Variants in ITGBL1 observed in about 807,000 individuals in gnomAD.
ITGBL1 encodes integrin subunit beta like 1.
A neutral mutation model predicts 68.5 loss-of-function variants in ITGBL1; 51 were observed. That is an observed-to-expected ratio of 0.74 (90% CI 0.59 to 0.94). The LOEUF (loss-of-function observed/expected upper bound fraction) is 0.94, where lower values mean the gene tolerates loss of function less well. Ranked by LOEUF, ITGBL1 falls within the 40% of genes least tolerant of loss-of-function variation. The probability of loss-of-function intolerance (pLI) is 0.00; values close to 1 mark genes in which losing one functional copy is unlikely to be tolerated. For synonymous variants in ITGBL1, 209 were observed against 227.3 expected, an observed-to-expected ratio of 0.92 and a Z score of 0.72; for missense variants, 649 against 647.4, an observed-to-expected ratio of 1.00 and a Z score of -0.03.
chr13:101,532,899 A>C (rs2049508377), intron 2 of ITGBL1, among the ~76,000 whole-genome samples: 2 of 152,320 alleles, frequency 1.3e-5, no homozygotes, highest in Middle Eastern at 6.8e-3. Context: ...TATTATTGGA[A>C]TAGAAAATAA....
At chr13:101,526,148 T>C (rs914634928) in intron 2 of ITGBL1, among the ~76,000 whole-genome samples, 3 of 63,898 alleles carry the variant, frequency 4.7e-5, no homozygotes, top group Admixed American at 1.5e-4. Flanking sequence ...TTCTTCTTCT[T>C]CTTCTTCTTT....
intron 7 of ITGBL1, among the ~76,000 whole-genome samples, chr13:101,683,265 C>T (rs901284037): frequency 3.3e-5 from 5 of 151,900 alleles, no homozygotes; most frequent in Non-Finnish European, 4.4e-5. Context: ...TAAAGTTTTC[C>T]GCCTAGATAT....
chr13:101,547,442 A>C (rs2049845690), intron 2 of ITGBL1, among the ~76,000 whole-genome samples: 1 of 151,906 alleles, frequency 6.6e-6, no homozygotes, highest in African/African-American at 2.4e-5. Flanking sequence ...TAGTAAGAAA[A>C]ATATTTTAAA....
chr13:101,609,672 G>T (rs969441546), intron 7 of ITGBL1, among the ~76,000 whole-genome samples: 1 of 152,084 alleles, frequency 6.6e-6, no homozygotes, highest in Non-Finnish European at 1.5e-5. Flanking sequence ...AGAGAGAAAA[G>T]AAGAATCCAG....
chr13:101,706,167 C>CA (rs540398669), intron 8 of ITGBL1, among the ~76,000 whole-genome samples: 30 of 151,576 alleles, frequency 2.0e-4, no homozygotes, highest in Non-Finnish European at 3.4e-4. Flanking sequence ...GGAACCAAAC[C>CA]AAAAAAAATG....
chr13:101,669,751 T>C (rs2033313150), intron 7 of ITGBL1, among the ~76,000 whole-genome samples: 1 of 152,212 alleles, frequency 6.6e-6, no homozygotes, highest in South Asian at 2.1e-4. Flanking sequence ...TTTTTCCCAA[T>C]TCCAGATTAA....
chr13:101,486,436 A>G (rs1238821409), intron 2 of ITGBL1, among the ~76,000 whole-genome samples: 2 of 152,154 alleles, frequency 1.3e-5, no homozygotes, highest in Non-Finnish European at 2.9e-5. Context: ...AGAAATCACC[A>G]CTAAAGAACT....
chr13:101,458,288 A>AT (rs1348137935), intron 2 of ITGBL1, among the ~76,000 whole-genome samples: 1 of 152,316 alleles, frequency 6.6e-6, no homozygotes. Flanking sequence ...GTACTGGGAG[A>AT]TTTTTTAATC....
At chr13:101,537,140 C>A (rs2049592390) in intron 2 of ITGBL1, among the ~76,000 whole-genome samples, 1 of 151,954 alleles carries the variant, frequency 6.6e-6, no homozygotes, top group Admixed American at 6.6e-5. Flanking sequence ...TAATCAGTCT[C>A]CTGAGACATG....
At chr13:101,549,385 TTATA>T (rs1215190769) in intron 2 of ITGBL1, among the ~76,000 whole-genome samples, 29 of 151,980 alleles carry the variant, frequency 1.9e-4, no homozygotes, top group Middle Eastern at 6.8e-3. Context: ...GTGAGAAACT[TTATA>T]TATGTCACAA....
At chr13:101,652,968 A>G (rs1406665605) in intron 7 of ITGBL1, among the ~76,000 whole-genome samples, 1 of 151,978 alleles carries the variant, frequency 6.6e-6, no homozygotes, top group Non-Finnish European at 1.5e-5. Context: ...ATGGTGGTAC[A>G]TGCCTGTAAT....
chr13:101,469,786 A>G (rs1382357482), intron 2 of ITGBL1, among the ~76,000 whole-genome samples: 1 of 152,234 alleles, frequency 6.6e-6, no homozygotes, highest in Non-Finnish European at 1.5e-5. Flanking sequence ...AAGATAGTAC[A>G]GTCTTTACTG....
intron 2 of ITGBL1, among the ~76,000 whole-genome samples, chr13:101,540,644 C>T (rs2049679835): frequency 6.6e-6 from 1 of 152,130 alleles, no homozygotes; most frequent in African/African-American, 2.4e-5. Context: ...TTACTTTGGG[C>T]AGTATGGCCA....
intron 2 of ITGBL1, among the ~76,000 whole-genome samples, chr13:101,509,569 A>G (rs2049082094): frequency 6.6e-6 from 1 of 152,152 alleles, no homozygotes; most frequent in African/African-American, 2.4e-5. Flanking sequence ...TTTCAATATT[A>G]ACCGATATTC....
chr13:101,565,685 A>C lies in ITGBL1; in HGVS notation c.317-2014A>C, dbSNP rs149252819. On this transcript the variant is annotated intron_variant, in intron 2 of 10. Coordinates refer to ENST00000376180, the MANE Select transcript of ITGBL1 (RefSeq NM_004791.3). Reference sequence around the variant, plus strand: ...AATTAAAAATATTTTTCATGATAGGATATATGAGGCTCATTAGTGTGCTGA... The same window carrying C: ...AATTAAAAATATTTTTCATGATAGGCTATATGAGGCTCATTAGTGTGCTGA... Among the ~76,000 whole-genome samples, 46 of 152,266 alleles carry C rather than the reference A, an allele frequency of 3.0e-4. 2 individuals are homozygous for C. In the East Asian group the frequency reaches 8.9e-3, roughly 29 times the overall value.
chr13:101,493,026 T>C (rs1235686242), intron 2 of ITGBL1, among the ~76,000 whole-genome samples: 1 of 152,196 alleles, frequency 6.6e-6, no homozygotes, highest in Non-Finnish European at 1.5e-5. Context: ...GTAGATGTTG[T>C]ACAAAGTTTA....
intron 2 of ITGBL1, chr13:101,489,988 G>A (rs1594842305): frequency 6.7e-6 from 10 of 1,492,888 alleles, no homozygotes; most frequent in South Asian, 1.2e-5. Context: ...AGTGATGGGA[G>A]CATTTAATAA....
intron 2 of ITGBL1, among the ~76,000 whole-genome samples, chr13:101,511,787 A>G (rs931824384): frequency 2.6e-5 from 4 of 152,136 alleles, no homozygotes; most frequent in African/African-American, 9.7e-5. Context: ...CCTTCATGTC[A>G]GCCTCCTGAG....
At chr13:101,656,359 C>T (rs896774523) in intron 7 of ITGBL1, among the ~76,000 whole-genome samples, 8 of 152,110 alleles carry the variant, frequency 5.3e-5, no homozygotes, top group African/African-American at 1.7e-4. Flanking sequence ...GTTTTCCCCC[C>T]ACAAAGGACA....
Sources: gnomAD v4.1 joint callset for allele counts (sites outside exome capture counted in the v4.1 genomes callset) on GRCh38, gnomAD v4.1.1 for gene constraint, MANE v1.5 for transcripts, NCBI Gene and HGNC (gene_info 2026-07-23, HGNC 2026-07-21) for gene names.